Variants in EPB41L4A observed in about 807,000 individuals in gnomAD.
EPB41L4A encodes the protein erythrocyte membrane protein band 4.1 like 4A.
A neutral mutation model predicts 108.6 loss-of-function variants in EPB41L4A; 100 were observed. The observed-to-expected ratio is 0.92, with a 90% confidence interval of 0.78 to 1.09. The LOEUF (loss-of-function observed/expected upper bound fraction) is 1.09. EPB41L4A is among the 50% of genes least tolerant of loss of function. EPB41L4A has a pLI of 0.00. For missense variants in EPB41L4A, 1,030 were observed against 842.7 expected (o/e 1.22, Z -2.75); for synonymous variants, 319 against 289.0 (o/e 1.10, Z -1.05).
Position 112,408,719 on chromosome 5 carries a change from G to T in EPB41L4A, c.99+10222C>A, listed in dbSNP as rs73218306. 1.9e-3 allele frequency among the ~76,000 whole-genome samples: 87 copies of T among 45,106 alleles called. 6 individuals are homozygous for T. The highest frequency in any genetic ancestry group is 7.2e-3 in the African/African-American group (85 of 11,814). 29.6% of individuals were successfully genotyped at this position (45,106 alleles called of 152,430 possible). On this transcript the variant is annotated intron_variant, in intron 1 of 22. Transcript: ENST00000261486. ...AAAAAAAAAAAAAAAAAAAAAAAAAGGGCCAGTAAGCACAAGAAAAGATGC... is the reference window on the plus strand; with the variant it reads ...AAAAAAAAAAAAAAAAAAAAAAAAATGGCCAGTAAGCACAAGAAAAGATGC...
intron 12 of EPB41L4A, among the ~76,000 whole-genome samples, chr5:112,217,318 G>T (rs1475413884): frequency 6.6e-6 from 1 of 152,156 alleles, no homozygotes; most frequent in African/African-American, 2.4e-5. Context: ...AACATAATTT[G>T]GAAAATAAAG....
chr5:112,292,280 G>C (rs1162643653), intron 2 of EPB41L4A, among the ~76,000 whole-genome samples: 2 of 152,164 alleles, frequency 1.3e-5, no homozygotes, highest in Non-Finnish European at 2.9e-5. Flanking sequence ...AGTTCAGGCT[G>C]TGCTGATATG....
At position 112,154,020 on chromosome 5, in the gene EPB41L4A, A is replaced by G. The variant is rs527294805; in HGVS notation, n.994+4381T>C. Among the ~76,000 whole-genome samples, 7 of 152,362 alleles carry G rather than the reference A, an allele frequency of 4.6e-5. 1 individual carries two copies. Among genetic ancestry groups the G allele is most frequent in the African/African-American group, 1.7e-4 (7 of 41,590 alleles). On this transcript the variant is annotated intron_variant and non_coding_transcript_variant, in intron 12 of 13. Transcript: ENST00000507810. ...AGATATGTAGCTGGCACACACCAAT[A>G]TGGCCAAGTTAATTGGTAAAACATT...
chr5:112,377,379 T>C (rs1444350063), intron 1 of EPB41L4A, among the ~76,000 whole-genome samples: 2 of 152,190 alleles, frequency 1.3e-5, no homozygotes, highest in African/African-American at 4.8e-5. Context: ...TCTCTCTGTA[T>C]GGTTTCTTAA....
chr5:112,251,794 T>A (rs1285478575), intron 9 of EPB41L4A, among the ~76,000 whole-genome samples: 1 of 151,988 alleles, frequency 6.6e-6, no homozygotes, highest in African/African-American at 2.4e-5. Context: ...AAAAACAACC[T>A]GAAACAATAA....
Position 112,418,049 on chromosome 5 carries a change from C to CG in EPB41L4A, c.99+891dup, listed in dbSNP as rs368012922. Among the ~76,000 whole-genome samples, 164 of 149,952 alleles carry CG rather than the reference C, an allele frequency of 1.1e-3. 1 individual carries two copies. The highest frequency in any genetic ancestry group is 9.2e-3 in the Admixed American group (140 of 15,212). On this transcript the variant is annotated intron_variant, in intron 1 of 22. Transcript: ENST00000261486. ...AAAGCCAGCTCTATCAGAGCGGGGG[C>CG]GGGGGGGCGGTTTCCCTTCACCAGA...
chr5:112,388,564 G>A (rs1164796868), intron 1 of EPB41L4A, among the ~76,000 whole-genome samples: 1 of 152,194 alleles, frequency 6.6e-6, no homozygotes. Context: ...GACCGAGAGA[G>A]AATGGGAGAG....
chr5:112,234,873 G>T, intron 11 of EPB41L4A, 118 bp from the exon 12 acceptor site: 1 of 1,099,400 alleles, frequency 9.1e-7, no homozygotes, highest in Non-Finnish European at 1.3e-6. Flanking sequence ...CAGACTCCCT[G>T]GTTTTTAATT....
chr5:112,152,934 C>T (rs767483194), intron 12 of EPB41L4A, among the ~76,000 whole-genome samples: 2 of 152,010 alleles, frequency 1.3e-5, no homozygotes, highest in Non-Finnish European at 2.9e-5. Flanking sequence ...CAAATATATA[C>T]AGGGCCAGGT....
At chr5:112,212,892 T>C (rs1386963290) in intron 12 of EPB41L4A, among the ~76,000 whole-genome samples, 1 of 152,208 alleles carries the variant, frequency 6.6e-6, no homozygotes, top group African/African-American at 2.4e-5. Context: ...ACTTTTTTCT[T>C]AGTCTAACAA....
chr5:112,207,252 C>A (rs1380890764), intron 13 of EPB41L4A, among the ~76,000 whole-genome samples: 3 of 152,160 alleles, frequency 2.0e-5, no homozygotes, highest in Non-Finnish European at 4.4e-5. Context: ...GGACCTCTTC[C>A]TTTTACTATA....
At chr5:112,362,337 G>C (rs1338786133) in intron 1 of EPB41L4A, among the ~76,000 whole-genome samples, 1 of 149,114 alleles carries the variant, frequency 6.7e-6, no homozygotes, top group Non-Finnish European at 1.5e-5. Flanking sequence ...CTGCAGTGCA[G>C]TGGCACCATC....
At chr5:112,366,305 A>G (rs866775990) in intron 1 of EPB41L4A, among the ~76,000 whole-genome samples, 34 of 152,086 alleles carry the variant, frequency 2.2e-4, no homozygotes, top group Middle Eastern at 3.4e-3. Flanking sequence ...TAGAAAAAAA[A>G]AAAGAAAGAA....
At chr5:112,165,202 T>C (rs1760169822) in intron 22 of EPB41L4A, 84 bp from the exon 23 acceptor site, 1 of 1,066,546 alleles carries the variant, frequency 9.4e-7, no homozygotes, top group Admixed American at 2.4e-5. Context: ...ACCAAGCTGC[T>C]CTTAAATTTA....
chr5:112,254,578 G>A (rs866176880), intron 9 of EPB41L4A, among the ~76,000 whole-genome samples: 1 of 152,094 alleles, frequency 6.6e-6, no homozygotes, highest in African/African-American at 2.4e-5. Flanking sequence ...AGTTAAGAGA[G>A]GCCCTCCCCT....
intron 17 of EPB41L4A, among the ~76,000 whole-genome samples, chr5:112,184,400 A>G (rs1194378153): frequency 6.6e-6 from 1 of 152,236 alleles, no homozygotes; most frequent in Admixed American, 6.5e-5. Flanking sequence ...GACATGTATC[A>G]AAAACTTATT....
In EPB41L4A at chr5:112,285,314, T is replaced by C. The variant is rs561943304; in HGVS notation, c.205-4991A>G. ...TAAAAACAGAGTTGGTCATGTACCATTGACAACAGAGCCACAAAGATCTCA... is the reference window on the plus strand; with the variant it reads ...TAAAAACAGAGTTGGTCATGTACCACTGACAACAGAGCCACAAAGATCTCA... On this transcript the variant is annotated intron_variant, in intron 2 of 22. Transcript: ENST00000261486. Among the ~76,000 whole-genome samples the C allele has an allele frequency of 1.3e-4, 20 of 152,194 alleles. 1 individual carries two copies. The highest frequency in any genetic ancestry group is 4.1e-4 in the South Asian group (2 of 4,834).
At chr5:112,227,589 G>A (rs956766316) in intron 12 of EPB41L4A, among the ~76,000 whole-genome samples, 6 of 152,118 alleles carry the variant, frequency 3.9e-5, no homozygotes, top group Admixed American at 1.3e-4. Context: ...AACCAGCAAA[G>A]TACCAGGATC....
At chr5:112,316,714 G>C (rs1755449964) in intron 1 of EPB41L4A, among the ~76,000 whole-genome samples, 1 of 152,216 alleles carries the variant, frequency 6.6e-6, no homozygotes, top group South Asian at 2.1e-4. Context: ...TCAAAACTCA[G>C]TGGCTTAAAG....
Sources: allele counts gnomAD v4.1 joint callset (sites outside exome capture counted in the v4.1 genomes callset), GRCh38; gene constraint gnomAD v4.1.1; transcripts MANE v1.5; gene names NCBI Gene and HGNC (gene_info 2026-07-23, HGNC 2026-07-21).